Variants in LGSN observed in about 807,000 individuals in gnomAD.
LGSN encodes lengsin, lens protein with glutamine synthetase domain.
In LGSN, 21 loss-of-function variants were observed where a neutral mutation model predicts 19.5. The ratio of observed to expected loss-of-function variants is 1.07; its 90% CI spans 0.76 to 1.55. The LOEUF (loss-of-function observed/expected upper bound fraction) is 1.55, where lower values mean the gene tolerates loss of function less well. Among genes scored for constraint, LGSN ranks in the 40% most tolerant of loss-of-function variants. The probability of loss-of-function intolerance (pLI) is 0.00; values close to 1 mark genes in which losing one functional copy is unlikely to be tolerated. For synonymous variants in LGSN, 257 were observed against 215.6 expected (o/e 1.19, Z -1.68); for missense variants, 673 against 608.5 (o/e 1.11, Z -1.12).
the LGSN span, among the ~76,000 whole-genome samples, chr6:63,505,624 AG>A: frequency 7.5e-6 from 1 of 132,824 alleles, no homozygotes; most frequent in Non-Finnish European, 1.6e-5. Context: ...AAAGAAAGAA[AG>A]AAAGAAAGAA....
intron 2 of LGSN, 25 bp from the exon 3 acceptor site, chr6:63,285,778 A>C: frequency 6.2e-7 from 1 of 1,605,110 alleles, no homozygotes; most frequent in Non-Finnish European, 8.5e-7. Flanking sequence ...AATAGGTTCT[A>C]ACTCACGAGA....
In LGSN at chr6:63,280,655, A is replaced by G. The variant is rs749055919; in HGVS notation, c.896T>C (p.Ile299Thr). 1.2e-6 allele frequency: 2 copies of G among 1,614,096 alleles called. No homozygotes were observed. Among genetic ancestry groups the G allele is most frequent in the South Asian group, 2.2e-5 (2 of 91,076 alleles). Reference protein sequence around the residue: ...VKEVARKYNYIASFFIETGFC... With the variant: ...VKEVARKYNYTASFFIETGFC... ...TCCAGTCTCAATGAAGAAGCTGGCA[A>G]TGTAATTATATTTCCTTGCCACTTC... The change falls in exon 4 of 4, where the codon ATT becomes ACT. Residue 299 changes from isoleucine (I) to threonine (T), a missense_variant. Coordinates refer to ENST00000370657, the MANE Select transcript of LGSN (RefSeq NM_016571.3).
the LGSN span, among the ~76,000 whole-genome samples, chr6:63,430,117 T>C: frequency 1.3e-5 from 2 of 152,306 alleles, no homozygotes; most frequent in Non-Finnish European, 1.5e-5. Flanking sequence ...TGAAAAAAGA[T>C]TGGAGGGTGT....
the LGSN span, among the ~76,000 whole-genome samples, chr6:63,546,227 C>A: frequency 6.6e-6 from 1 of 152,080 alleles, no homozygotes; most frequent in African/African-American, 2.4e-5. Context: ...AAATACTGTC[C>A]TTTGCTATGA....
At chr6:63,519,704 G>A in the LGSN span, among the ~76,000 whole-genome samples, 1 of 152,160 alleles carries the variant, frequency 6.6e-6, no homozygotes, top group Non-Finnish European at 1.5e-5. Context: ...TCCAGAAAAG[G>A]TATTAAGCAA....
At chr6:63,383,193 G>A in the LGSN span, among the ~76,000 whole-genome samples, 1 of 151,980 alleles carries the variant, frequency 6.6e-6, no homozygotes, top group East Asian at 1.9e-4. Flanking sequence ...AAATTTCTGA[G>A]CTCAAGCAAT....
the LGSN span, among the ~76,000 whole-genome samples, chr6:63,414,860 A>G: frequency 8.9e-4 from 136 of 152,310 alleles, no homozygotes; most frequent in Non-Finnish European, 1.4e-3. Flanking sequence ...GGTTGCAGTG[A>G]GCCAAGGTTA....
chr6:63,338,616 T>A, the LGSN span, among the ~76,000 whole-genome samples: 4 of 152,148 alleles, frequency 2.6e-5, no homozygotes, highest in African/African-American at 9.7e-5. Context: ...TAGCTAACAG[T>A]TTATTGATTT....
At chr6:63,514,235 T>C in the LGSN span, among the ~76,000 whole-genome samples, 1 of 152,196 alleles carries the variant, frequency 6.6e-6, no homozygotes, top group East Asian at 1.9e-4. Context: ...TTTTTTGTTT[T>C]GTTTTGTTTT....
chr6:63,390,118 C>CTTTTTT, the LGSN span, among the ~76,000 whole-genome samples: 346 of 66,344 alleles, frequency 5.2e-3, 14 homozygotes, highest in African/African-American at 7.6e-3. Flanking sequence ...TTCTTTCTTT[C>CTTTTTT]TTTTTTTTTT....
At position 63,277,857 on chromosome 6, in the gene LGSN, G is replaced by A. The variant is rs1196648823; in HGVS notation, c.*2164C>T. Reference sequence around the variant, plus strand: ...CCTAGCACTTTGGGAGGCCAAGGCAGGCTGATCACCTGAGTTCAGGAGTTC... The same window carrying A: ...CCTAGCACTTTGGGAGGCCAAGGCAAGCTGATCACCTGAGTTCAGGAGTTC... On this transcript the variant is annotated 3_prime_UTR_variant, in exon 4 of 4. Transcript: ENST00000370657. The A allele has an allele frequency of 6.6e-6, 1 of 152,392 alleles. No individual in the cohort carries two copies. Among genetic ancestry groups the A allele is most frequent in the African/African-American group, 2.4e-5 (1 of 41,444 alleles). 9.4% of individuals were successfully genotyped at this position (152,392 alleles called of 1,614,324 possible).
chr6:63,405,103 A>G, the LGSN span, among the ~76,000 whole-genome samples: 148 of 151,270 alleles, frequency 9.8e-4, 2 homozygotes, highest in Middle Eastern at 3.4e-3. Flanking sequence ...ATGATTTCCA[A>G]TTTCATCCAT....
chr6:63,382,475 T>TC, the LGSN span, among the ~76,000 whole-genome samples: 3 of 152,188 alleles, frequency 2.0e-5, no homozygotes, highest in Admixed American at 1.3e-4. Flanking sequence ...CAGGAGCCTC[T>TC]CATCTTCTGC....
chr6:63,339,343 T>A, the LGSN span, among the ~76,000 whole-genome samples: 1 of 152,218 alleles, frequency 6.6e-6, no homozygotes, highest in African/African-American at 2.4e-5. Context: ...GCTTTACCTA[T>A]CTGTGTGCTC....
the LGSN span, among the ~76,000 whole-genome samples, chr6:63,516,860 G>T: frequency 5.9e-5 from 9 of 152,294 alleles, no homozygotes; most frequent in Admixed American, 3.3e-4. Context: ...CTCTGTGGAT[G>T]AGGTGACCTT....
Position 63,278,719 on chromosome 6 carries a change from T to G in LGSN, c.*1302A>C, listed in dbSNP as rs1192968783. On this transcript the variant is annotated 3_prime_UTR_variant, in exon 4 of 4. Transcript: ENST00000370657. ...CTCCTGCCTTGGCCTCCCAAAGTGC[T>G]GGGAACTTTCTTCTTATGTATCCAA... 6.6e-6 allele frequency: 1 copy of G among 152,016 alleles called. No homozygotes were observed. Among genetic ancestry groups the G allele is most frequent in the Non-Finnish European group, 1.5e-5 (1 of 68,084 alleles). 9.4% of individuals were successfully genotyped at this position (152,016 alleles called of 1,614,324 possible).
At chr6:63,408,168 G>T in the LGSN span, among the ~76,000 whole-genome samples, 1 of 152,042 alleles carries the variant, frequency 6.6e-6, no homozygotes, top group Non-Finnish European at 1.5e-5. Context: ...TTGCAGAATT[G>T]GAAAAAACTA....
chr6:63,420,696 T>A, the LGSN span, among the ~76,000 whole-genome samples: 1 of 151,820 alleles, frequency 6.6e-6, no homozygotes, highest in Non-Finnish European at 1.5e-5. Flanking sequence ...AAATCCAGAG[T>A]CTCAAAACAC....
the LGSN span, among the ~76,000 whole-genome samples, chr6:63,519,423 T>G: frequency 6.6e-6 from 1 of 152,216 alleles, no homozygotes; most frequent in Non-Finnish European, 1.5e-5. Flanking sequence ...TTTTCATAGC[T>G]TTTTGGATTT....
Sources: allele counts gnomAD v4.1 joint callset (sites outside exome capture counted in the v4.1 genomes callset), GRCh38; gene constraint gnomAD v4.1.1; transcripts MANE v1.5; gene names NCBI Gene and HGNC (gene_info 2026-07-23, HGNC 2026-07-21).